FAT3: variants seen among roughly 807,000 people sequenced by gnomAD.
FAT3 encodes protocadherin Fat 3.
FAT3 carries 95 observed loss-of-function variants against 310.2 expected under a neutral mutation model. That is an observed-to-expected ratio of 0.31 (90% CI 0.26 to 0.36). The LOEUF is 0.36. FAT3 is among the 10% of genes least tolerant of loss of function. The probability of loss-of-function intolerance (pLI) is 1.00; values close to 1 mark genes in which losing one functional copy is unlikely to be tolerated. For synonymous variants in FAT3, 2,314 were observed against 2,192.9 expected (o/e 1.06, Z -1.54); for missense variants, 5,408 against 5,715.6 (o/e 0.95, Z 1.74).
chr11:92,441,785 A>G (rs776473913), intron 2 of FAT3, among the ~76,000 whole-genome samples: 1 of 152,136 alleles, frequency 6.6e-6, no homozygotes, highest in African/African-American at 2.4e-5. Flanking sequence ...GTAAATAGTA[A>G]CAACCTGAAT....
intron 2 of FAT3, among the ~76,000 whole-genome samples, chr11:92,435,971 G>A (rs1479264691): frequency 1.3e-5 from 2 of 152,122 alleles, no homozygotes; most frequent in Non-Finnish European, 2.9e-5. Context: ...TGGCCAATTA[G>A]TTGTCACGTT....
intron 2 of FAT3, among the ~76,000 whole-genome samples, chr11:92,512,540 T>G (rs1238396744): frequency 6.8e-6 from 1 of 147,260 alleles, no homozygotes; most frequent in Non-Finnish European, 1.5e-5. Context: ...AATTATATTT[T>G]AAATTTATAT....
chr11:92,304,314 C>A (rs181622814), intron 1 of FAT3, among the ~76,000 whole-genome samples: 1 of 152,012 alleles, frequency 6.6e-6, no homozygotes, highest in Non-Finnish European at 1.5e-5. Flanking sequence ...TTAGTCTTCC[C>A]CTTGCTCTTT....
At chr11:92,651,287 A>T (rs182303725) in intron 3 of FAT3, among the ~76,000 whole-genome samples, 3 of 152,352 alleles carry the variant, frequency 2.0e-5, no homozygotes, top group Non-Finnish European at 4.4e-5. Context: ...TGTGCAGGTA[A>T]CGTGGAATTG....
chr11:92,593,763 G>T (rs1228029122), intron 3 of FAT3, among the ~76,000 whole-genome samples: 1 of 152,134 alleles, frequency 6.6e-6, no homozygotes, highest in Admixed American at 6.6e-5. Flanking sequence ...TATTTAAAAT[G>T]TATTTGCTAA....
intron 4 of FAT3, among the ~76,000 whole-genome samples, chr11:92,743,814 G>T (rs574871206): frequency 1.2e-4 from 18 of 152,300 alleles, no homozygotes; most frequent in African/African-American, 4.1e-4. Flanking sequence ...TATCATAACA[G>T]GGGAACTGGG....
chr11:92,541,977 A>T (rs562944253), intron 3 of FAT3, among the ~76,000 whole-genome samples: 36 of 152,244 alleles, frequency 2.4e-4, no homozygotes, highest in African/African-American at 8.7e-4. Context: ...CTACCTAGGG[A>T]AACTACAGAA....
At chr11:92,747,840 G>A (rs1945717742) in intron 4 of FAT3, among the ~76,000 whole-genome samples, 1 of 152,122 alleles carries the variant, frequency 6.6e-6, no homozygotes, top group African/African-American at 2.4e-5. Context: ...ATCTCCATCT[G>A]AGACAACCTC....
At position 92,609,337 on chromosome 11, in the gene FAT3, T is replaced by A. The variant is rs1940456479; in HGVS notation, c.3607+84389T>A. ...GGGAGTCTCTGACTAGTATTTAGTA[T>A]GAATGTGGGTTAAAACCTGTTTAGA... On this transcript the variant is annotated intron_variant, in intron 3 of 27. Transcript: ENST00000525166. 2.0e-5 allele frequency among the ~76,000 whole-genome samples: 3 copies of A among 152,174 alleles called. No homozygotes were observed. In the South Asian group the frequency reaches 6.2e-4, roughly 32 times the overall value.
intron 4 of FAT3, among the ~76,000 whole-genome samples, chr11:92,734,776 G>A (rs2852398): frequency 0.16 from 24,323 of 152,076 alleles, 2,087 homozygotes; most frequent in African/African-American, 0.2. Context: ...TAGGCACAGC[G>A]TGTATGTTTG....
intron 3 of FAT3, among the ~76,000 whole-genome samples, chr11:92,566,111 T>C (rs1295072708): frequency 6.6e-6 from 1 of 152,194 alleles, no homozygotes; most frequent in Non-Finnish European, 1.5e-5. Flanking sequence ...TGTTTGCAGA[T>C]GACATGATTG....
At chr11:92,345,233 C>T (rs1948381719) in intron 1 of FAT3, among the ~76,000 whole-genome samples, 1 of 152,056 alleles carries the variant, frequency 6.6e-6, no homozygotes, top group Admixed American at 6.6e-5. Flanking sequence ...CAGTCTCCCT[C>T]ACCAAAAATT....
chr11:92,309,678 A>G (rs941188613), intron 1 of FAT3, among the ~76,000 whole-genome samples: 7 of 152,138 alleles, frequency 4.6e-5, no homozygotes, highest in African/African-American at 1.7e-4. Flanking sequence ...GGTATCTCAG[A>G]CAGTGAATGA....
chr11:92,655,643 T>C (rs1942550598), intron 3 of FAT3, among the ~76,000 whole-genome samples: 1 of 152,174 alleles, frequency 6.6e-6, no homozygotes, highest in Admixed American at 6.5e-5. Flanking sequence ...GCCACAAACC[T>C]TCCCTGGCCC....
At chr11:92,236,072 G>A (rs534938393) in intron 1 of FAT3, among the ~76,000 whole-genome samples, 67 of 152,244 alleles carry the variant, frequency 4.4e-4, no homozygotes, top group African/African-American at 1.6e-3. Context: ...AATCCTTGGA[G>A]CCTTTCTCAA....
chr11:92,621,491 A>G (rs760574267), intron 3 of FAT3, among the ~76,000 whole-genome samples: 1 of 152,076 alleles, frequency 6.6e-6, no homozygotes, highest in Non-Finnish European at 1.5e-5. Context: ...TTTTTGGAGG[A>G]GTTGGAGAAA....
chr11:92,840,897 C>T (rs985664385), intron 18 of FAT3, 138 bp downstream of exon 18: 9 of 815,924 alleles, frequency 1.1e-5, no homozygotes, highest in African/African-American at 1.7e-5. Context: ...CTTTTAATCT[C>T]AAATTCAATT....
At chr11:92,562,667 A>G (rs1955274280) in intron 3 of FAT3, among the ~76,000 whole-genome samples, 1 of 152,186 alleles carries the variant, frequency 6.6e-6, no homozygotes, top group South Asian at 2.1e-4. Flanking sequence ...AGGCCTAAGA[A>G]CTAGAGGGTG....
intron 1 of FAT3, among the ~76,000 whole-genome samples, chr11:92,312,996 A>G (rs2134461770): frequency 6.6e-6 from 1 of 152,334 alleles, no homozygotes; most frequent in Middle Eastern, 3.4e-3. Flanking sequence ...TTGAATTATG[A>G]TAGCTGTTCT....
Sources: gnomAD v4.1 joint callset for allele counts (sites outside exome capture counted in the v4.1 genomes callset) on GRCh38, gnomAD v4.1.1 for gene constraint, MANE v1.5 for transcripts, NCBI Gene and HGNC (gene_info 2026-07-23, HGNC 2026-07-21) for gene names.